Variants in TLE7 observed in about 807,000 individuals in gnomAD.
TLE7 encodes the protein TLE family member 7.
intron 1 of TLE7, among the ~76,000 whole-genome samples, chr16:71,441,258 G>T (rs1404495279): frequency 2.0e-5 from 3 of 152,090 alleles, no homozygotes; most frequent in African/African-American, 7.2e-5. Context: ...ACTTTTTTTT[G>T]TTGTTGGTAG....
chr16:71,441,313 G>C (rs144192682), intron 1 of TLE7, among the ~76,000 whole-genome samples: 5 of 152,376 alleles, frequency 3.3e-5, no homozygotes, highest in African/African-American at 1.2e-4. Context: ...TTGAACTGCT[G>C]GCCCCAAGCA....
At chr16:71,438,417 T>C (rs1483645774) in intron 1 of TLE7, among the ~76,000 whole-genome samples, 1 of 76,934 alleles carries the variant, frequency 1.3e-5, no homozygotes, top group African/African-American at 6.7e-5. Context: ...AGAACGAGAC[T>C]CCATCTCAAA....
At chr16:71,433,525 G>C (rs2042815462) in intron 1 of TLE7, 105 bp from the exon 2 acceptor site, 1 of 393,462 alleles carries the variant, frequency 2.5e-6, no homozygotes, top group African/African-American at 2.1e-5. Flanking sequence ...CAAAAGAGTG[G>C]TTGCCAACTA....
At chr16:71,430,954 T>C (rs868058089) in intron 8 of TLE7, among the ~76,000 whole-genome samples, 167 bp downstream of exon 8, 2 of 152,096 alleles carry the variant, frequency 1.3e-5, no homozygotes, top group African/African-American at 2.4e-5. Flanking sequence ...GACAATCAGA[T>C]AGGGTTCACG....
At chr16:71,439,003 G>C (rs891243246) in intron 1 of TLE7, among the ~76,000 whole-genome samples, 1 of 152,196 alleles carries the variant, frequency 6.6e-6, no homozygotes, top group Admixed American at 6.5e-5. Context: ...ACACACCTGT[G>C]CCCCTTCCCC....
chr16:71,432,045 G>A (rs376270349), intron 5 of TLE7, 43 bp from the exon 6 acceptor site: 13 of 400,876 alleles, frequency 3.2e-5, no homozygotes, highest in South Asian at 1.3e-4. Flanking sequence ...TTGGGGCACC[G>A]AACCTGGGTC....
At chr16:71,437,163 A>C (rs2042829278) in intron 1 of TLE7, among the ~76,000 whole-genome samples, 1 of 152,156 alleles carries the variant, frequency 6.6e-6, no homozygotes, top group South Asian at 2.1e-4. Flanking sequence ...AGCCTGGCCA[A>C]CATGGTGAAA....
rs1417060090 is a variant in TLE7 at position 71,432,277 on chromosome 16, C to T, written c.442G>A (p.Gly148Ser). The T allele has an allele frequency of 5.0e-6, 2 of 400,576 alleles. No individual in the cohort carries two copies. The highest frequency in any genetic ancestry group is 7.1e-5 in the East Asian group (2 of 28,058). The allele number at this position is 400,576 out of a possible 1,614,324, so 24.8% of individuals were successfully genotyped here. The change falls in exon 5 of 10, where the codon GGC becomes AGC. Residue 148 changes from glycine (G) to serine (S), a missense_variant. Coordinates refer to ENST00000561754, the MANE Select transcript of TLE7 (RefSeq NM_001367365.2). The stretch of plus-strand genomic sequence containing the variant: ...AAGAGTGTGCCAACCTTCCAGGAGC[C>T]CTGTGGGGCCCTCTTCTGCCTGACC... The part of the protein sequence containing the change: ...VVVRQKRAPQ[G>S]SWKVGTLFHG...
intron 1 of TLE7, among the ~76,000 whole-genome samples, chr16:71,435,497 T>C (rs999526150): frequency 1.3e-5 from 2 of 152,168 alleles, no homozygotes; most frequent in Non-Finnish European, 2.9e-5. Flanking sequence ...AATAAGTGGG[T>C]GAAAACTGCA....
chr16:71,433,557 C>T (rs1332836801), intron 1 of TLE7, 137 bp from the exon 2 acceptor site: 3 of 381,462 alleles, frequency 7.9e-6, no homozygotes, highest in Non-Finnish European at 1.4e-5. Flanking sequence ...TAGGTGTTGG[C>T]GGCAATGATG....
chr16:71,433,732 G>A (rs1253393067), intron 1 of TLE7, among the ~76,000 whole-genome samples: 1 of 152,222 alleles, frequency 6.6e-6, no homozygotes, highest in Non-Finnish European at 1.5e-5. Flanking sequence ...GGCTGAGGCA[G>A]GCAGATCACA....
In TLE7 at chr16:71,432,705, G is replaced by A. The variant is rs1343998063; in HGVS notation, c.353C>T (p.Ser118Phe). 1 of 398,618 alleles carries A rather than the reference G, an allele frequency of 2.5e-6. No individual in the cohort carries two copies. The highest frequency in any genetic ancestry group is 4.4e-5 in the Admixed American group (1 of 22,732). 24.7% of individuals were successfully genotyped at this position (398,618 alleles called of 1,614,324 possible). A position where few individuals can be genotyped will look rare whatever the true frequency, so the allele number is the denominator to read the frequency against. Residue 118 changes from serine to phenylalanine, a missense_variant, in exon 4 of 10, where the codon TCC becomes TTC. By Grantham distance (155) the Ser-to-Phe change is radical. Coordinates refer to ENST00000561754, the MANE Select transcript of TLE7 (RefSeq NM_001367365.2). ...TGAGAGGACTTCTTCACTGGGAGAGGAAGAAGAGTAAGGCTGGCCTGCAGG... is the reference window on the plus strand; with the variant it reads ...TGAGAGGACTTCTTCACTGGGAGAGAAAGAAGAGTAAGGCTGGCCTGCAGG... ...GSEVGQPYSS[S>F]SPSEEVLSLL...
intron 1 of TLE7, among the ~76,000 whole-genome samples, chr16:71,438,681 CA>C (rs71389663): frequency 0.02 from 1,295 of 65,710 alleles, 12 homozygotes; most frequent in African/African-American, 0.054. Flanking sequence ...GACTCCATCT[CA>C]AAAAAAAAAA....
In TLE7 at chr16:71,431,555, C is replaced by T. The variant is rs2042803659; in HGVS notation, c.859G>A (p.Glu287Lys). ...CATCGGGACCCGTATACAGGAACTT[C>T]GTGCTTCCTGGTGGGTGGGAAAACA... is the stretch of plus-strand genomic sequence containing the variant. ...LQNQILIRKH[E>K]VPVYGSRCVD... The change falls in exon 7 of 10, where the codon GAA becomes AAA. Residue 287 changes from glutamate (E) to lysine (K), a missense_variant. Transcript: ENST00000561754. This position sits in a 1 kb window ranked among gnomAD's most constrained non-coding sequence, Gnocchi z 4.5. The T allele has an allele frequency of 2.5e-6, 1 of 400,778 alleles. No homozygotes were observed. The highest frequency in any genetic ancestry group is 4.4e-6 in the Non-Finnish European group (1 of 226,258). 24.8% of individuals were successfully genotyped at this position (400,778 alleles called of 1,614,324 possible). A position where few individuals can be genotyped will look rare whatever the true frequency, so the allele number is the denominator to read the frequency against.
intron 1 of TLE7, among the ~76,000 whole-genome samples, chr16:71,435,165 C>G (rs1190261721): frequency 6.6e-6 from 1 of 152,202 alleles, no homozygotes; most frequent in African/African-American, 2.4e-5. Context: ...GTAATCCCAG[C>G]ACTTTGGGAG....
chr16:71,434,172 A>T (rs2145044044), intron 1 of TLE7, among the ~76,000 whole-genome samples: 1 of 152,232 alleles, frequency 6.6e-6, no homozygotes, highest in East Asian at 1.9e-4. Flanking sequence ...CTTGGAGGTG[A>T]TTACTATTTC....
chr16:71,431,615 G>C lies in TLE7; in HGVS notation c.852-53C>G, dbSNP rs1219051786. ...GTCACTGAATGGTTTGGGCCCCCGG[G>C]AAGTTTCAGGGTCAGGAAGCCCCTA... On this transcript the variant is annotated intron_variant, in intron 6 of 9. Coordinates refer to ENST00000561754, the MANE Select transcript of TLE7 (RefSeq NM_001367365.2). The surrounding 1 kb of genome is among the most constrained non-coding windows in gnomAD (Gnocchi z 4.5). 2.5e-6 allele frequency: 1 copy of C among 400,498 alleles called. No homozygotes were observed. The highest frequency in any genetic ancestry group is 4.4e-6 in the Non-Finnish European group (1 of 226,280). The allele number at this position is 400,498 out of a possible 1,614,324, so 24.8% of individuals were successfully genotyped here. A position where few individuals can be genotyped will look rare whatever the true frequency, so the allele number is the denominator to read the frequency against.
intron 1 of TLE7, among the ~76,000 whole-genome samples, chr16:71,439,093 GC>G (rs1433895437): frequency 6.6e-6 from 1 of 152,200 alleles, no homozygotes; most frequent in Non-Finnish European, 1.5e-5. Flanking sequence ...ATGAGGCTGG[GC>G]CCACAGAGCT....
Position 71,430,178 on chromosome 16 carries a change from G to T in TLE7, c.*84C>A, listed in dbSNP as rs1257804471. The T allele has an allele frequency of 5.0e-6, 2 of 397,872 alleles. No individual in the cohort carries two copies. The highest frequency in any genetic ancestry group is 7.1e-5 in the East Asian group (2 of 28,046). The allele number at this position is 397,872 out of a possible 1,614,324, so 24.6% of individuals were successfully genotyped here. A position where few individuals can be genotyped will look rare whatever the true frequency, so the allele number is the denominator to read the frequency against. On this transcript the variant is annotated 3_prime_UTR_variant, in exon 10 of 10. Transcript: ENST00000561754. ...GGCAGAGGAGATGGCAGGTGTTAGA[G>T]GTGTCCAGCACTCTGAAGCCATCCT...
Sources: gnomAD v4.1 joint callset for allele counts (sites outside exome capture counted in the v4.1 genomes callset) on GRCh38, gnomAD v4.1.1 for gene constraint, Gnocchi (gnomAD v3.1) non-coding constraint, MANE v1.5 for transcripts, NCBI Gene and HGNC (gene_info 2026-07-23, HGNC 2026-07-21) for gene names.